The following RNF114 variants were observed in gnomAD, a reference collection of about 807,000 sequenced individuals.
The protein encoded by RNF114 is E3 ubiquitin-protein ligase RNF114.
In RNF114, 6 loss-of-function variants were observed where a neutral mutation model predicts 28.4. The observed-to-expected ratio is 0.21, with a 90% CI of 0.12 to 0.42. The LOEUF (loss-of-function observed/expected upper bound fraction) is 0.42, where lower values mean the gene tolerates loss of function less well. Ranked by LOEUF, RNF114 falls within the 10% of genes least tolerant of loss-of-function variation. The probability of loss-of-function intolerance (pLI) is 1.00; values close to 1 mark genes in which losing one functional copy is unlikely to be tolerated. For missense variants in RNF114, 249 were observed against 311.7 expected (o/e 0.80, Z 1.51); for synonymous variants, 115 against 116.7 (o/e 0.99, Z 0.09).
At position 49,953,834 on chromosome 20, in the gene RNF114, T is replaced by G. The variant is rs1010762045; in HGVS notation, c.*1693T>G. 6.6e-6 allele frequency: 1 copy of G among 152,230 alleles called. No homozygotes were observed. Among genetic ancestry groups the G allele is most frequent in the Non-Finnish European group, 1.5e-5 (1 of 68,040 alleles). The allele number at this position is 152,230 out of a possible 1,614,324, so 9.4% of individuals were successfully genotyped here. A position where few individuals can be genotyped will look rare whatever the true frequency, so the allele number is the denominator to read the frequency against. On this transcript the variant is annotated 3_prime_UTR_variant, in exon 6 of 6. Coordinates refer to ENST00000244061, the MANE Select transcript of RNF114 (RefSeq NM_018683.4). ...ACTTTCCAGAAAGTGAGATTTGTTA[T>G]GTTCTGGCTTTTAAAAGGTAAAATA...
At chr20:49,942,042 T>C (rs2090310048) in intron 2 of RNF114, 2 of 255,632 alleles carry the variant, frequency 7.8e-6, no homozygotes, top group Non-Finnish European at 1.5e-5. Flanking sequence ...AGGCAAGAGC[T>C]TGAGGCTAGG....
intron 4 of RNF114, among the ~76,000 whole-genome samples, chr20:49,947,577 G>A (rs1281231791): frequency 1.3e-5 from 2 of 151,980 alleles, no homozygotes; most frequent in Non-Finnish European, 2.9e-5. Context: ...GATACAGATT[G>A]ACTTGGTTAA....
rs1461798067 is a variant in RNF114 at position 49,953,825 on chromosome 20, G to C, written c.*1684G>C. ...AATAAGATGACTTTCCAGAAAGTGA[G>C]ATTTGTTATGTTCTGGCTTTTAAAA... On this transcript the variant is annotated 3_prime_UTR_variant, in exon 6 of 6. Transcript: ENST00000244061. 6.6e-6 allele frequency: 1 copy of C among 152,106 alleles called. No individual in the cohort carries two copies. Among genetic ancestry groups the C allele is most frequent in the Non-Finnish European group, 1.5e-5 (1 of 68,024 alleles). The allele number at this position is 152,106 out of a possible 1,614,324, so 9.4% of individuals were successfully genotyped here.
intron 1 of RNF114, among the ~76,000 whole-genome samples, chr20:49,937,471 C>T (rs895689281): frequency 6.6e-6 from 1 of 152,104 alleles, no homozygotes; most frequent in Admixed American, 6.6e-5. Flanking sequence ...CTATAGCCAC[C>T]CTGCAGCGGG....
chr20:49,950,463 T>C (rs1182375033), intron 5 of RNF114, among the ~76,000 whole-genome samples: 3 of 151,432 alleles, frequency 2.0e-5, no homozygotes, highest in Non-Finnish European at 4.4e-5. Context: ...GGTGGATCGC[T>C]TGAGCTCAGG....
chr20:49,945,323 A>G (rs900455956), intron 2 of RNF114, 59 bp from the exon 3 acceptor site: 5 of 1,031,226 alleles, frequency 4.8e-6, no homozygotes, highest in African/African-American at 1.6e-5. Flanking sequence ...GTTTGGGACT[A>G]TATTTTGCCT....
rs141103111 is a variant in RNF114, at chr20:49,941,660, C to T, written c.240C>T (p.Leu80=). The T allele has an allele frequency of 1.2e-3, 1,927 of 1,612,816 alleles. 2 individuals are homozygous for T. Among genetic ancestry groups the T allele is most frequent in the Admixed American group, 1.8e-3 (110 of 59,862 alleles). ...CACCTGGCGTCCGAGCCGTGGAGCT[C>T]GAGCGGCAGATCGAGAGCACAGAGA... ...ALAPGVRAVE[L]ERQIESTETS... Residue 80 remains leucine (L), a synonymous_variant, in exon 2 of 6, where the codon CTC becomes CTT. Transcript: ENST00000244061.
rs772904387 is a variant in RNF114, at chr20:49,936,437, G to C, written c.25G>C (p.Gly9Arg). 1.9e-6 allele frequency: 3 copies of C among 1,539,086 alleles called. No homozygotes were observed. In the South Asian group the frequency reaches 3.6e-5, roughly 19 times the overall value. MAAQQRDC[G>R]GAAQLAGPAA... is the part of the protein sequence containing the mutation. ...GATGGCGGCGCAACAGCGGGACTGC[G>C]GGGGTGCTGCGCAGCTGGCGGGGCC... Residue 9 changes from glycine (G) to arginine (R), a missense_variant, in exon 1 of 6, where the codon GGG becomes CGG. Gly to Arg is a moderately radical substitution (Grantham distance 125, BLOSUM62 -2). Transcript: ENST00000244061.
chr20:49,951,962 C>G, intron 5 of RNF114, 114 bp from the exon 6 acceptor site: 3 of 731,950 alleles, frequency 4.1e-6, no homozygotes, highest in Non-Finnish European at 7.3e-6. Context: ...ACTGGGGATC[C>G]GGTCCCTGGC....
At chr20:49,937,699 A>T (rs1568917896) in intron 1 of RNF114, among the ~76,000 whole-genome samples, 1 of 150,568 alleles carries the variant, frequency 6.6e-6, no homozygotes, top group African/African-American at 2.5e-5. Flanking sequence ...TCTTCCCCCC[A>T]CCCCTCCCTT....
Position 49,952,227 on chromosome 20 carries a change from T to C in RNF114, c.*86T>C, listed in dbSNP as rs747693525. 4.2e-6 allele frequency: 5 copies of C among 1,188,388 alleles called. No individual in the cohort carries two copies. The highest frequency in any genetic ancestry group is 1.9e-4 in the Middle Eastern group (1 of 5,276). 73.6% of individuals were successfully genotyped at this position (1,188,388 alleles called of 1,614,324 possible). ...AAATCTATGACTCCTGTACCTTACCTGTTCAACAGACCTGAAAATGAGCCA... is the reference window on the plus strand; with the variant it reads ...AAATCTATGACTCCTGTACCTTACCCGTTCAACAGACCTGAAAATGAGCCA... On this transcript the variant is annotated 3_prime_UTR_variant, in exon 6 of 6. Transcript: ENST00000244061.
intron 2 of RNF114, chr20:49,943,873 G>GAGATATATATAT (rs367806875): frequency 1.6e-5 from 2 of 122,136 alleles, no homozygotes; most frequent in African/African-American, 3.1e-5. Context: ...TACACACAGA[G>GAGATATATATAT]ATATATATAT....
chr20:49,949,228 C>T lies in RNF114; in HGVS notation c.514-20C>T. On this transcript the variant is annotated intron_variant, in intron 4 of 5. Transcript: ENST00000244061. Reference sequence around the variant, plus strand: ...AAGCTTGGAAATTGGGTGCCTAAGACCTTGCTTTTGTGTTGAAAGGTTTGT... The same window carrying T: ...AAGCTTGGAAATTGGGTGCCTAAGATCTTGCTTTTGTGTTGAAAGGTTTGT... 2.5e-6 allele frequency: 4 copies of T among 1,608,852 alleles called. No individual in the cohort carries two copies. Among genetic ancestry groups the T allele is most frequent in the Non-Finnish European group, 3.4e-6 (4 of 1,175,210 alleles).
rs753589071 is a variant in RNF114, at chr20:49,941,664, C to T, written c.244C>T (p.Arg82Trp). ...APGVRAVELERQIESTETSCH... is the reference protein window; with the variant it reads ...APGVRAVELEWQIESTETSCH... ...TGGCGTCCGAGCCGTGGAGCTCGAGCGGCAGATCGAGAGCACAGAGACTTC... is the reference window on the plus strand; with the variant it reads ...TGGCGTCCGAGCCGTGGAGCTCGAGTGGCAGATCGAGAGCACAGAGACTTC... Residue 82 changes from arginine to tryptophan, a missense_variant, in exon 2 of 6, where the codon CGG (arginine) becomes TGG (tryptophan). Coordinates refer to ENST00000244061, the MANE Select transcript of RNF114 (RefSeq NM_018683.4). 108 of 1,612,502 alleles carry T rather than the reference C, an allele frequency of 6.7e-5. No individual in the cohort carries two copies. Among genetic ancestry groups the T allele is most frequent in the Admixed American group, 2.3e-4 (14 of 59,792 alleles).
intron 1 of RNF114, among the ~76,000 whole-genome samples, chr20:49,937,479 G>A (rs1447843944): frequency 3.3e-5 from 5 of 152,128 alleles, no homozygotes; most frequent in African/African-American, 1.2e-4. Flanking sequence ...ACCCTGCAGC[G>A]GGGGAGGGTT....
chr20:49,952,391 C>T lies in RNF114; in HGVS notation c.*250C>T, dbSNP rs1187194261. On this transcript the variant is annotated 3_prime_UTR_variant, in exon 6 of 6. Transcript: ENST00000244061. Reference sequence around the variant, plus strand: ...ACACGGTCGAGTTCGTATTGGTTCTCGGCTACTTCCTGGAGCTTCTGCCGC... The same window carrying T: ...ACACGGTCGAGTTCGTATTGGTTCTTGGCTACTTCCTGGAGCTTCTGCCGC... 2.4e-5 allele frequency: 13 copies of T among 549,346 alleles called. No homozygotes were observed. Among genetic ancestry groups the T allele is most frequent in the Non-Finnish European group, 3.6e-5 (11 of 306,080 alleles). 34.0% of individuals were successfully genotyped at this position (549,346 alleles called of 1,614,324 possible). A position where few individuals can be genotyped will look rare whatever the true frequency, so the allele number is the denominator to read the frequency against.
chr20:49,943,651 C>CTTTTTTTTTTTT (rs60425763), intron 2 of RNF114, among the ~76,000 whole-genome samples: 5 of 72,122 alleles, frequency 6.9e-5, no homozygotes, highest in African/African-American at 2.4e-4. Flanking sequence ...CTACTGTCTT[C>CTTTTTTTTTTTT]TTTTTTTTTT....
chr20:49,946,280 T>A, intron 4 of RNF114, 30 bp downstream of exon 4: 1 of 1,121,342 alleles, frequency 8.9e-7, no homozygotes, highest in Non-Finnish European at 1.3e-6. Context: ...TTTTTTAAAC[T>A]TCATTAAGGG....
intron 1 of RNF114, among the ~76,000 whole-genome samples, chr20:49,938,737 G>A (rs2090296531): frequency 6.6e-6 from 1 of 152,232 alleles, no homozygotes; most frequent in African/African-American, 2.4e-5. Flanking sequence ...AAAGCAGGCT[G>A]GTAGTTTGGG....
Sources: gnomAD v4.1 joint callset for allele counts (sites outside exome capture counted in the v4.1 genomes callset) on GRCh38, gnomAD v4.1.1 for gene constraint, MANE v1.5 for transcripts, NCBI Gene and HGNC (gene_info 2026-07-23, HGNC 2026-07-21) for gene names.